UPP2: variants seen among roughly 807,000 people sequenced by gnomAD.
The protein encoded by UPP2 is uridine phosphorylase 2, also known as UPase 2.
UPP2 carries 23 observed loss-of-function variants against 26.7 expected under a neutral mutation model. The observed-to-expected ratio is 0.86, with a 90% CI of 0.62 to 1.22. The LOEUF (loss-of-function observed/expected upper bound fraction) is 1.22, where lower values mean the gene tolerates loss of function less well. UPP2 is among the 50% of genes most tolerant of loss of function. UPP2 has a pLI of 0.00. For synonymous variants in UPP2, 127 were observed against 141.3 expected, an observed-to-expected ratio of 0.90 and a Z score of 0.72; for missense variants, 387 against 396.7, an observed-to-expected ratio of 0.98 and a Z score of 0.21.
intron 3 of UPP2, among the ~76,000 whole-genome samples, chr2:158,091,307 GAGAAATCAGCTGTAATGGGA>G (rs1352227974): frequency 6.6e-6 from 1 of 152,128 alleles, no homozygotes; most frequent in Admixed American, 6.5e-5. Context: ...ACACTAATGA[GAGAAATCAGCTGTAATGGGA>G]AGATTAGCAC....
chr2:158,120,937 G>C (rs1683552162), intron 4 of UPP2, among the ~76,000 whole-genome samples: 1 of 151,986 alleles, frequency 6.6e-6, no homozygotes, highest in East Asian at 1.9e-4. Flanking sequence ...GGTCAGCCAA[G>C]AGCCCTGATT....
intron 6 of UPP2, among the ~76,000 whole-genome samples, chr2:158,129,198 C>T (rs1339896966): frequency 1.3e-5 from 2 of 151,960 alleles, no homozygotes; most frequent in African/African-American, 2.4e-5. Context: ...TGTGGCCCTC[C>T]TCTCCCCTGC....
intron 2 of UPP2, among the ~76,000 whole-genome samples, chr2:158,005,886 C>T (rs1683480078): frequency 6.6e-6 from 1 of 152,092 alleles, no homozygotes; most frequent in South Asian, 2.1e-4. Flanking sequence ...CATCCGCAAG[C>T]CTCAGTCCTG....
chr2:158,013,725 G>A (rs1296876370), intron 2 of UPP2, among the ~76,000 whole-genome samples: 1 of 152,170 alleles, frequency 6.6e-6, no homozygotes, highest in Non-Finnish European at 1.5e-5. Context: ...GAAGGGCGAG[G>A]CACCTTTACA....
At chr2:158,093,491 A>G (rs2105204190) in intron 3 of UPP2, among the ~76,000 whole-genome samples, 1 of 152,308 alleles carries the variant, frequency 6.6e-6, no homozygotes, top group South Asian at 2.1e-4. Context: ...TAACCAACAA[A>G]GGATCAGTAT....
chr2:158,073,060 G>A (rs955927454), intron 3 of UPP2, among the ~76,000 whole-genome samples: 6 of 152,130 alleles, frequency 3.9e-5, no homozygotes, highest in Admixed American at 6.5e-5. Context: ...GCTGTTTTGA[G>A]GAAGCTCAAA....
At chr2:158,084,540 T>C (rs1195881154) in intron 3 of UPP2, among the ~76,000 whole-genome samples, 3 of 152,194 alleles carry the variant, frequency 2.0e-5, no homozygotes, top group African/African-American at 4.8e-5. Flanking sequence ...GCATTTGCTT[T>C]CGGGTTCTTG....
At chr2:158,005,107 G>T (rs1683468812) in intron 2 of UPP2, among the ~76,000 whole-genome samples, 1 of 152,190 alleles carries the variant, frequency 6.6e-6, no homozygotes, top group African/African-American at 2.4e-5. Context: ...CAACAGGAAT[G>T]AGGAGCCTGT....
intron 3 of UPP2, among the ~76,000 whole-genome samples, chr2:158,096,600 A>AAAATAAAT (rs529079139): frequency 0.02 from 3,110 of 152,074 alleles, 110 homozygotes; most frequent in African/African-American, 0.071. Flanking sequence ...CTCTGTCTCA[A>AAAATAAAT]AAATAAATAA....
At chr2:158,048,344 G>A (rs568509874) in intron 3 of UPP2, among the ~76,000 whole-genome samples, 35 of 152,312 alleles carry the variant, frequency 2.3e-4, no homozygotes, top group African/African-American at 7.5e-4. Flanking sequence ...GGTGGCTCAC[G>A]CCTGTGATCC....
Position 158,101,930 on chromosome 2 carries a change from A to C in UPP2, c.-134A>C. 2 of 1,379,690 alleles carry C rather than the reference A, an allele frequency of 1.4e-6. No homozygotes were observed. Among genetic ancestry groups the C allele is most frequent in the South Asian group, 4.0e-5 (2 of 49,730 alleles). The allele number at this position is 1,379,690 out of a possible 1,614,324, so 85.5% of individuals were successfully genotyped here. A position where few individuals can be genotyped will look rare whatever the true frequency, so the allele number is the denominator to read the frequency against. On this transcript the variant is annotated 5_prime_UTR_variant, in exon 1 of 7. Transcript: ENST00000005756. ...ATTTTCTTAGCAATTTCACAGGAAA[A>C]CCTAAGTTTTAAGAGAGGTTATCAT...
At position 158,081,198 on chromosome 2, in the gene UPP2, T is replaced by C. The variant is rs919213581; in HGVS notation, c.148-20842T>C. 2.6e-5 allele frequency among the ~76,000 whole-genome samples: 4 copies of C among 152,172 alleles called. No individual in the cohort carries two copies. In the South Asian group the frequency reaches 8.3e-4, roughly 31 times the overall value. ...AAAACAGGACCATTAGTCCAAACAC[T>C]GCTTATGTCAAGTTTTACTGCTTAA... On this transcript the variant is annotated intron_variant, in intron 3 of 9. Coordinates refer to the UPP2 transcript ENST00000605860.
chr2:158,133,419 A>G (rs1251791737), intron 6 of UPP2, among the ~76,000 whole-genome samples: 3 of 152,202 alleles, frequency 2.0e-5, no homozygotes, highest in Non-Finnish European at 4.4e-5. Flanking sequence ...AATTTCAGTT[A>G]CAAGGAGGAT....
At chr2:158,047,958 T>C (rs1334783310) in intron 3 of UPP2, among the ~76,000 whole-genome samples, 1 of 152,170 alleles carries the variant, frequency 6.6e-6, no homozygotes, top group Non-Finnish European at 1.5e-5. Flanking sequence ...GCTCAAAATC[T>C]GAGGAGAGAA....
chr2:158,114,240 C>T (rs751219213), intron 2 of UPP2, among the ~76,000 whole-genome samples: 7 of 152,172 alleles, frequency 4.6e-5, no homozygotes, highest in Non-Finnish European at 1.0e-4. Context: ...TGCCACCTTG[C>T]TGTGGCCTGT....
intron 3 of UPP2, among the ~76,000 whole-genome samples, chr2:158,032,056 G>A (rs896036816): frequency 2.6e-5 from 4 of 152,104 alleles, no homozygotes; most frequent in African/African-American, 7.2e-5. Flanking sequence ...GAGAGCTGCC[G>A]GAATGGTACA....
At chr2:158,027,565 C>T (rs1683853486) in intron 3 of UPP2, among the ~76,000 whole-genome samples, 1 of 152,130 alleles carries the variant, frequency 6.6e-6, no homozygotes, top group Non-Finnish European at 1.5e-5. Context: ...GTGGCTTTTC[C>T]AGGCAAATGG....
chr2:158,119,828 G>A lies in UPP2; in HGVS notation c.455-1581G>A, dbSNP rs113862285. Among the ~76,000 whole-genome samples, 226 of 151,766 alleles carry A rather than the reference G, an allele frequency of 1.5e-3. 2 individuals carry two copies. The highest frequency in any genetic ancestry group is 5.2e-3 in the African/African-American group (216 of 41,428). On this transcript the variant is annotated intron_variant, in intron 4 of 6. Coordinates refer to ENST00000005756, the MANE Select transcript of UPP2 (RefSeq NM_173355.4). ...AGTTTGAGACCAGCCTGGCCAATGT[G>A]GTGAAACCCCATCTCTACTAAAAAT...
chr2:158,124,361 G>A (rs935936977), intron 6 of UPP2, among the ~76,000 whole-genome samples: 1 of 152,060 alleles, frequency 6.6e-6, no homozygotes, highest in Admixed American at 6.5e-5. Context: ...GAGCATTCAA[G>A]GAGAATTGGA....
Sources: gnomAD v4.1 joint callset for allele counts (sites outside exome capture counted in the v4.1 genomes callset) on GRCh38, gnomAD v4.1.1 for gene constraint, MANE v1.5 for transcripts, NCBI Gene and HGNC (gene_info 2026-07-23, HGNC 2026-07-21) for gene names.